The following UBXN6 variants were observed in gnomAD, a reference collection of about 807,000 sequenced individuals.
UBXN6 encodes the protein UBX domain-containing protein 6.
UBXN6 carries 44 observed loss-of-function variants against 51.4 expected under a neutral mutation model. The ratio of observed to expected loss-of-function variants is 0.86; its 90% confidence interval spans 0.67 to 1.10. UBXN6 has a LOEUF of 1.10. Ranked by LOEUF, UBXN6 falls within the 50% of genes least tolerant of loss-of-function variation. UBXN6 has a pLI of 0.00. For missense variants in UBXN6, 672 were observed against 596.1 expected (o/e 1.13, Z -1.32); for synonymous variants, 316 against 263.2 (o/e 1.20, Z -1.94).
At chr19:4,450,436 T>C (rs1459954105) in intron 4 of UBXN6, 1 of 151,906 alleles carries the variant, frequency 6.6e-6, no homozygotes, top group African/African-American at 2.4e-5. Context: ...GCAACTCATA[T>C]CATAGGCAAA....
Position 4,446,500 on chromosome 19 carries a change from C to T in UBXN6, c.920G>A (p.Arg307Lys), listed in dbSNP as rs1166405244. 2 of 1,606,680 alleles carry T rather than the reference C, an allele frequency of 1.2e-6. No individual in the cohort carries two copies. The highest frequency in any genetic ancestry group is 1.7e-5 in the Admixed American group (1 of 59,874). ...TCTGCTCCGCGGACGTCAGGCCCAC[C>T]TGAGCCTCTGCTCCCGCTTGATCTC... ...AEEIKREQRL[R>K]SEAVERLSVL... is the part of the protein sequence containing the mutation. The change falls in exon 8 of 11, where the codon AGG (arginine) becomes AAG (lysine). Residue 307 changes from arginine to lysine, a missense_variant and splice_region_variant. Physicochemically the swap from Arg to Lys is conservative, Grantham distance 26 (BLOSUM62 2). Transcript: ENST00000301281.
In UBXN6 at chr19:4,457,611, G is replaced by A. The variant is rs369595122; in HGVS notation, c.83+4C>T. On this transcript the variant is annotated splice_donor_region_variant and intron_variant, in intron 1 of 10. Transcript: ENST00000301281. ...GGCCTCAAGCCCCTGCGTTCCTCAC[G>A]CACCCCACGGACTCTTTGAGCTTCT... The A allele has an allele frequency of 4.0e-5, 64 of 1,588,532 alleles. No individual in the cohort carries two copies. Among genetic ancestry groups the A allele is most frequent in the Non-Finnish European group, 5.1e-5 (60 of 1,169,574 alleles).
intron 6 of UBXN6, 156 bp downstream of exon 6, chr19:4,447,394 T>G: frequency 6.7e-6 from 5 of 743,994 alleles, no homozygotes. Context: ...CATCTTGTCC[T>G]GCTACCTTCT....
chr19:4,455,367 C>G, intron 1 of UBXN6: 1 of 891,036 alleles, frequency 1.1e-6, no homozygotes. Flanking sequence ...AGTCCTCCCA[C>G]AGCTGAGCAT....
chr19:4,446,998 C>T (rs243389), intron 6 of UBXN6, 78 bp from the exon 7 acceptor site: 782,607 of 1,421,258 alleles, frequency 0.55, 218,486 homozygotes, highest in Admixed American at 0.75. Context: ...GTCCAGGGGC[C>T]CGGCTCTCGC....
At position 4,446,294 on chromosome 19, in the gene UBXN6, C is replaced by A; in HGVS notation, c.1040G>T (p.Cys347Phe). 1 of 1,571,094 alleles carries A rather than the reference C, an allele frequency of 6.4e-7. No individual in the cohort carries two copies. The highest frequency in any genetic ancestry group is 8.6e-7 in the Non-Finnish European group (1 of 1,162,958). Residue 347 changes from cysteine to phenylalanine, a missense_variant, in exon 9 of 11, where the codon TGC becomes TTC. By Grantham distance (205) the Cys-to-Phe change is radical (BLOSUM62 -2). Coordinates refer to ENST00000301281, the MANE Select transcript of UBXN6 (RefSeq NM_025241.3). ...TCGTTGGTGCCCACCCTGCAGGAGGCAGCCATCGGGGAGGCGCACGCGCAG... is the reference window on the plus strand; with the variant it reads ...TCGTTGGTGCCCACCCTGCAGGAGGAAGCCATCGGGGAGGCGCACGCGCAG... Reference protein sequence around the residue: ...TLLRVRLPDGCLLQGTFYARE... With the variant: ...TLLRVRLPDGFLLQGTFYARE...
chr19:4,455,016 CT>C (rs1182707665), intron 1 of UBXN6: 2 of 178,280 alleles, frequency 1.1e-5, no homozygotes, highest in Non-Finnish European at 2.2e-5. Flanking sequence ...GCCCTGGCCA[CT>C]CCATGCCAGG....
At chr19:4,454,631 G>A (rs1336468240) in intron 1 of UBXN6, among the ~76,000 whole-genome samples, 2 of 152,120 alleles carry the variant, frequency 1.3e-5, no homozygotes, top group Non-Finnish European at 2.9e-5. Flanking sequence ...AGCTCAGGCT[G>A]GTCTCGAACT....
In UBXN6 at chr19:4,452,259, T is replaced by C. The variant is rs534356809; in HGVS notation, c.441+105A>G. 7.3e-6 allele frequency: 11 copies of C among 1,511,204 alleles called. No individual in the cohort carries two copies. The African/African-American group carries it at 1.1e-4, about 15-fold the overall frequency. 93.6% of individuals were successfully genotyped at this position (1,511,204 alleles called of 1,614,324 possible). On this transcript the variant is annotated intron_variant, in intron 4 of 10. Coordinates refer to ENST00000301281, the MANE Select transcript of UBXN6 (RefSeq NM_025241.3). ...AGGGGCTTCACTACTAGCAGTGGCCTCTGGGGACTCTGGGAGGGATCTGTA... is the reference window on the plus strand; with the variant it reads ...AGGGGCTTCACTACTAGCAGTGGCCCCTGGGGACTCTGGGAGGGATCTGTA...
At chr19:4,447,454 AG>A in intron 6 of UBXN6, 95 bp downstream of exon 6, 1 of 1,379,242 alleles carries the variant, frequency 7.3e-7, no homozygotes, top group Non-Finnish European at 1.0e-6. Context: ...TAGCTCCTCC[AG>A]GGAGCCCACC....
rs201517666 is a variant in UBXN6, at chr19:4,446,396, C to T, written c.938G>A (p.Arg313Gln). 2.9e-5 allele frequency: 46 copies of T among 1,578,428 alleles called. No individual in the cohort carries two copies. The highest frequency in any genetic ancestry group is 1.7e-4 in the Middle Eastern group (1 of 6,052). ...EQRLRSEAVERLSVLRTKAMR... is the reference protein window; with the variant it reads ...EQRLRSEAVEQLSVLRTKAMR... ...GGCCTTGGTCCGCAGCACGCTCAGCCGCTCCACCGCCTCGGACCTGCACAC... is the reference window on the plus strand; with the variant it reads ...GGCCTTGGTCCGCAGCACGCTCAGCTGCTCCACCGCCTCGGACCTGCACAC... Residue 313 changes from arginine to glutamine, a missense_variant, in exon 9 of 11, where the codon CGG becomes CAG. Physicochemically the swap from Arg to Gln is conservative, Grantham distance 43. Transcript: ENST00000301281.
intron 4 of UBXN6, 39 bp downstream of exon 4, chr19:4,452,325 G>A (rs908005400): frequency 3.2e-5 from 52 of 1,604,156 alleles, no homozygotes; most frequent in African/African-American, 5.3e-5. Flanking sequence ...GGCACAGGAA[G>A]CTACAGGTTG....
intron 1 of UBXN6, among the ~76,000 whole-genome samples, chr19:4,456,548 C>T (rs1974742066): frequency 6.6e-6 from 1 of 151,722 alleles, no homozygotes; most frequent in African/African-American, 2.4e-5. Context: ...CTCCCTGCAG[C>T]GGCCCCAGCT....
Position 4,448,473 on chromosome 19 carries a change from C to A in UBXN6, c.442-58G>T, listed in dbSNP as rs561316501. On this transcript the variant is annotated intron_variant, in intron 4 of 10. Coordinates refer to ENST00000301281, the MANE Select transcript of UBXN6 (RefSeq NM_025241.3). The stretch of plus-strand genomic sequence containing the variant: ...TGAGAGCCCGGGCCGCACGGCCCTC[C>A]GCTGCCCAGGTAACAGGGGCAGGAA... 1.3e-4 allele frequency: 185 copies of A among 1,403,506 alleles called. No homozygotes were observed. The African/African-American group carries it at 1.6e-3, about 12-fold the overall frequency. The allele number at this position is 1,403,506 out of a possible 1,614,324, so 86.9% of individuals were successfully genotyped here.
intron 2 of UBXN6, 25 bp downstream of exon 2, chr19:4,453,905 G>A: frequency 1.9e-6 from 3 of 1,602,998 alleles, no homozygotes; most frequent in Non-Finnish European, 2.5e-6. Context: ...GCCCCAACCT[G>A]GGCCCGAGGA....
chr19:4,448,455 C>A lies in UBXN6; in HGVS notation c.442-40G>T, dbSNP rs1208296254. 5.2e-6 allele frequency: 8 copies of A among 1,533,230 alleles called. No homozygotes were observed. The African/African-American group carries it at 6.9e-5, about 13-fold the overall frequency. The allele number at this position is 1,533,230 out of a possible 1,614,324, so 95.0% of individuals were successfully genotyped here. On this transcript the variant is annotated intron_variant, in intron 4 of 10. Transcript: ENST00000301281. ...GCAGGGAAAGCCACTCACTGAGAGC[C>A]CGGGCCGCACGGCCCTCCGCTGCCC... is the stretch of plus-strand genomic sequence containing the variant.
At chr19:4,447,647 A>G in intron 5 of UBXN6, 22 bp from the exon 6 acceptor site, 2 of 1,613,240 alleles carry the variant, frequency 1.2e-6, no homozygotes, top group Non-Finnish European at 1.7e-6. Flanking sequence ...GGAGAAGGTG[A>G]GTGGGGCACA....
chr19:4,455,272 A>G, intron 1 of UBXN6: 1 of 985,460 alleles, frequency 1.0e-6, no homozygotes, highest in East Asian at 1.1e-4. Flanking sequence ...CTGGGAGGCC[A>G]GGCTCTCAGT....
intron 1 of UBXN6, among the ~76,000 whole-genome samples, chr19:4,454,552 C>T (rs889611436): frequency 1.8e-4 from 28 of 152,158 alleles, no homozygotes; most frequent in African/African-American, 5.8e-4. Flanking sequence ...CCTCCCAAGT[C>T]GCTGGGACTT....
Sources: gnomAD v4.1 joint callset for allele counts (sites outside exome capture counted in the v4.1 genomes callset) on GRCh38, gnomAD v4.1.1 for gene constraint, MANE v1.5 for transcripts, NCBI Gene and HGNC (gene_info 2026-07-23, HGNC 2026-07-21) for gene names.